The following KIDINS220 variants were observed in gnomAD, a reference collection of about 807,000 sequenced individuals.
KIDINS220 encodes the protein kinase D-interacting substrate of 220 kDa.
A neutral mutation model predicts 157.6 loss-of-function variants in KIDINS220; 63 were observed. The ratio of observed to expected loss-of-function variants is 0.40; its 90% confidence interval spans 0.33 to 0.49. The LOEUF is 0.49. Among genes scored for constraint, KIDINS220 ranks in the 20% least tolerant of loss-of-function variants. The probability of loss-of-function intolerance (pLI) is 0.66; values close to 1 mark genes in which losing one functional copy is unlikely to be tolerated. For missense variants in KIDINS220, 1,772 were observed against 2,171.2 expected (o/e 0.82, Z 3.65); for synonymous variants, 732 against 783.6 (o/e 0.93, Z 1.10).
intron 18 of KIDINS220, 125 bp downstream of exon 18, chr2:8,779,549 A>G (rs940947811): frequency 1.0e-6 from 1 of 978,538 alleles, no homozygotes; most frequent in African/African-American, 1.6e-5. Context: ...CAAAAGAAAA[A>G]TCACAAAATA....
intron 8 of KIDINS220, 67 bp downstream of exon 8, chr2:8,802,863 A>G (rs905011722): frequency 7.8e-7 from 1 of 1,287,086 alleles, no homozygotes; most frequent in Non-Finnish European, 1.1e-6. Context: ...TTGAAAGGTA[A>G]TAAGACACTA....
rs545064218 is a variant in KIDINS220 at position 8,832,752 on chromosome 2, G to A, written c.-37+4728C>T. On this transcript the variant is annotated intron_variant, in intron 1 of 29. Transcript: ENST00000256707. The stretch of plus-strand genomic sequence containing the variant: ...CTCATCTTTCACATTTCAGTTCAAC[G>A]TTCACTTCCAAAAGCCCTTTCGGCT... Among the ~76,000 whole-genome samples, 12 of 152,242 alleles carry A rather than the reference G, an allele frequency of 7.9e-5. No individual in the cohort carries two copies. In the East Asian group the frequency reaches 9.6e-4, roughly 12 times the overall value.
chr2:8,820,844 C>T (rs142037975), intron 2 of KIDINS220, among the ~76,000 whole-genome samples: 2 of 152,328 alleles, frequency 1.3e-5, no homozygotes, highest in African/African-American at 4.8e-5. Flanking sequence ...ATGCCACGCA[C>T]GCCTCTGTCC....
downstream of KIDINS220, among the ~76,000 whole-genome samples, chr2:8,725,754 T>A (rs1663244029): frequency 6.6e-6 from 1 of 152,218 alleles, no homozygotes; most frequent in African/African-American, 2.4e-5. Flanking sequence ...TTCAAAAGCT[T>A]CTTAATTTGA....
chr2:8,830,098 T>C (rs2148448139), intron 1 of KIDINS220, among the ~76,000 whole-genome samples: 1 of 152,248 alleles, frequency 6.6e-6, no homozygotes, highest in South Asian at 2.1e-4. Flanking sequence ...GCTACCATTT[T>C]TCATCCAGTT....
chr2:8,726,578 T>C, downstream of KIDINS220, among the ~76,000 whole-genome samples: 1 of 152,204 alleles, frequency 6.6e-6, no homozygotes, highest in Non-Finnish European at 1.5e-5. Flanking sequence ...AGAAATGCGC[T>C]GTTGGACGAT....
At chr2:8,757,816 T>C (rs924183601) in intron 22 of KIDINS220, 19 of 1,531,404 alleles carry the variant, frequency 1.2e-5, no homozygotes, top group African/African-American at 6.8e-5. Context: ...ATCTTCAGTA[T>C]GGCTCTGTCC....
chr2:8,752,872 T>G (rs931750268), intron 22 of KIDINS220, among the ~76,000 whole-genome samples: 3 of 152,234 alleles, frequency 2.0e-5, no homozygotes, highest in African/African-American at 4.8e-5. Context: ...ATATGTCACT[T>G]AGTCTTTTAT....
intron 8 of KIDINS220, among the ~76,000 whole-genome samples, chr2:8,800,982 TC>T (rs543755515): frequency 1.0e-3 from 156 of 152,246 alleles, no homozygotes; most frequent in Middle Eastern, 3.4e-3. Context: ...GGGAGAAAGT[TC>T]CCCGAGCAGC....
intron 26 of KIDINS220, among the ~76,000 whole-genome samples, chr2:8,744,401 A>AATATATAT (rs1474558259): frequency 1.7e-3 from 12 of 7,006 alleles, no homozygotes; most frequent in African/African-American, 4.9e-3. Context: ...ATATATATAT[A>AATATATAT]ATATATATAT....
At chr2:8,824,048 T>A (rs1039338886) in intron 2 of KIDINS220, among the ~76,000 whole-genome samples, 1 of 151,864 alleles carries the variant, frequency 6.6e-6, no homozygotes, top group African/African-American at 2.4e-5. Flanking sequence ...AAATATGGAC[T>A]CTACCAAATA....
chr2:8,809,390 C>T (rs570996378), intron 6 of KIDINS220, among the ~76,000 whole-genome samples: 78 of 152,192 alleles, frequency 5.1e-4, no homozygotes, highest in African/African-American at 1.8e-3. Flanking sequence ...ACTATATTGA[C>T]TGTCCCTTCC....
intron 6 of KIDINS220, among the ~76,000 whole-genome samples, chr2:8,807,687 A>ATTCC (rs1675662210): frequency 1.3e-5 from 2 of 152,190 alleles, no homozygotes; most frequent in Non-Finnish European, 2.9e-5. Flanking sequence ...TCCCAGATGG[A>ATTCC]TGAAGACTCC....
In KIDINS220 at chr2:8,798,249, C is replaced by A. The variant is rs1328089029; in HGVS notation, c.952G>T (p.Val318Leu). The change falls in exon 10 of 30, where the codon GTG becomes TTG. Residue 318 changes from valine (V) to leucine (L), a missense_variant. Val to Leu is a conservative substitution (Grantham distance 32). Transcript: ENST00000256707. The stretch of plus-strand genomic sequence containing the variant: ...GGATTGCACTGTAAGATATCTCTCA[C>A]CATTGTTGCATTTCCTTTCTCAACA... ...WAVEKGNATM[V>L]RDILQCNPDT... 2.5e-5 allele frequency: 41 copies of A among 1,612,760 alleles called. No individual in the cohort carries two copies. Among genetic ancestry groups the A allele is most frequent in the Non-Finnish European group, 3.3e-5 (39 of 1,179,072 alleles).
In KIDINS220 at chr2:8,822,745, T is replaced by C. The variant is rs117708049; in HGVS notation, c.109-3952A>G. 2.0e-3 allele frequency among the ~76,000 whole-genome samples: 304 copies of C among 152,312 alleles called. 6 individuals are homozygous for C. In the East Asian group the frequency reaches 0.054, roughly 27 times the overall value. Reference sequence around the variant, plus strand: ...GACCAGCCTCAACACTATTCCCTTATACCAAGGACAGCTGACAGTGACTGT... The same window carrying C: ...GACCAGCCTCAACACTATTCCCTTACACCAAGGACAGCTGACAGTGACTGT... On this transcript the variant is annotated intron_variant, in intron 2 of 29. Transcript: ENST00000256707.
chr2:8,786,085 T>C, intron 16 of KIDINS220, 55 bp from the exon 17 acceptor site: 1 of 1,562,530 alleles, frequency 6.4e-7, no homozygotes. Flanking sequence ...TAGAAAATCC[T>C]AACATTATAG....
At chr2:8,758,890 A>G (rs1408295017) in intron 22 of KIDINS220, among the ~76,000 whole-genome samples, 3 of 152,220 alleles carry the variant, frequency 2.0e-5, no homozygotes, top group African/African-American at 7.2e-5. Flanking sequence ...AAGTACTAAG[A>G]GCTGAAGCTG....
At chr2:8,784,263 AC>A (rs1242175558) in intron 17 of KIDINS220, among the ~76,000 whole-genome samples, 2 of 152,158 alleles carry the variant, frequency 1.3e-5, no homozygotes, top group East Asian at 3.8e-4. Context: ...TTCACACTTC[AC>A]AAAAATTAAC....
chr2:8,767,172 T>C (rs759773871), intron 22 of KIDINS220, among the ~76,000 whole-genome samples: 47 of 152,182 alleles, frequency 3.1e-4, no homozygotes, highest in Admixed American at 5.9e-4. Context: ...TCAGGCTTTA[T>C]CTTTAAAAAG....
Sources: allele counts gnomAD v4.1 joint callset (sites outside exome capture counted in the v4.1 genomes callset), GRCh38; gene constraint gnomAD v4.1.1; transcripts MANE v1.5; gene names NCBI Gene and HGNC (gene_info 2026-07-23, HGNC 2026-07-21).